Variants in EFCAB11 observed in about 807,000 individuals in gnomAD.
EFCAB11 encodes EF-hand calcium binding domain 11, also known as EF-hand calcium-binding domain-containing protein 11.
A neutral mutation model predicts 23.0 loss-of-function variants in EFCAB11; 14 were observed. The ratio of observed to expected loss-of-function variants is 0.61; its 90% CI spans 0.40 to 0.95. The LOEUF is 0.95. Among genes scored for constraint, EFCAB11 ranks in the 40% least tolerant of loss-of-function variants. The pLI, the probability that EFCAB11 is intolerant of heterozygous loss-of-function variation, is 0.00. For missense variants in EFCAB11, 198 were observed against 195.8 expected (o/e 1.01, Z -0.07); for synonymous variants, 65 against 66.6 (o/e 0.98, Z 0.11).
intron 5 of EFCAB11, among the ~76,000 whole-genome samples, chr14:89,890,069 C>T (rs933537359): frequency 9.9e-5 from 15 of 152,224 alleles, no homozygotes; most frequent in Non-Finnish European, 1.9e-4. Flanking sequence ...ATTATTTTGT[C>T]GTAGGTATAA....
chr14:89,862,651 C>T (rs1262351001), intron 5 of EFCAB11, among the ~76,000 whole-genome samples: 3 of 152,198 alleles, frequency 2.0e-5, no homozygotes, highest in Non-Finnish European at 4.4e-5. Flanking sequence ...AACTACAACA[C>T]ATAAGTTGTT....
At chr14:89,904,503 G>A (rs962933759) in intron 5 of EFCAB11, among the ~76,000 whole-genome samples, 10 of 152,156 alleles carry the variant, frequency 6.6e-5, no homozygotes, top group Admixed American at 1.3e-4. Context: ...TAATGGGATG[G>A]CTGGGTCAAA....
At chr14:89,944,384 G>A (rs1002864058) in intron 3 of EFCAB11, among the ~76,000 whole-genome samples, 4 of 152,274 alleles carry the variant, frequency 2.6e-5, no homozygotes, top group Non-Finnish European at 4.4e-5. Flanking sequence ...CCCACAACAC[G>A]TGGGAATTAT....
intron 5 of EFCAB11, among the ~76,000 whole-genome samples, chr14:89,872,181 TATA>T (rs1483778795): frequency 6.6e-6 from 1 of 152,242 alleles, no homozygotes; most frequent in African/African-American, 2.4e-5. Flanking sequence ...TGCCTTCTCA[TATA>T]ATAATTCAAC....
intron 5 of EFCAB11, among the ~76,000 whole-genome samples, chr14:89,898,098 T>C (rs1222624987): frequency 6.6e-6 from 1 of 152,140 alleles, no homozygotes; most frequent in Non-Finnish European, 1.5e-5. Flanking sequence ...ACATTATTAT[T>C]CTATAATCCA....
chr14:89,883,582 T>A (rs1169004816), intron 5 of EFCAB11, among the ~76,000 whole-genome samples: 1 of 152,138 alleles, frequency 6.6e-6, no homozygotes, highest in Non-Finnish European at 1.5e-5. Flanking sequence ...TAGGAAATAA[T>A]GACAAAGAAA....
At chr14:89,884,752 C>T (rs1888701059) in intron 5 of EFCAB11, among the ~76,000 whole-genome samples, 1 of 152,204 alleles carries the variant, frequency 6.6e-6, no homozygotes, top group Admixed American at 6.5e-5. Context: ...GCTCTAAATT[C>T]TGTGTCGAAT....
chr14:89,810,675 G>C (rs1190101327), intron 5 of EFCAB11, among the ~76,000 whole-genome samples: 1 of 148,950 alleles, frequency 6.7e-6, no homozygotes, highest in Non-Finnish European at 1.5e-5. Flanking sequence ...AGAATCACTT[G>C]AACTCGACAG....
At chr14:89,875,456 A>T (rs1015364484) in intron 5 of EFCAB11, among the ~76,000 whole-genome samples, 2 of 152,190 alleles carry the variant, frequency 1.3e-5, no homozygotes, top group East Asian at 3.9e-4. Flanking sequence ...CAACTAAGAT[A>T]GCACGGGTCA....
Position 89,797,184 on chromosome 14 carries a change from G to T in EFCAB11, c.*59C>A. 6.8e-7 allele frequency: 1 copy of T among 1,466,416 alleles called. No homozygotes were observed. The highest frequency in any genetic ancestry group is 1.4e-5 in the African/African-American group (1 of 71,528). The allele number at this position is 1,466,416 out of a possible 1,614,324, so 90.8% of individuals were successfully genotyped here. A position where few individuals can be genotyped will look rare whatever the true frequency, so the allele number is the denominator to read the frequency against. On this transcript the variant is annotated 3_prime_UTR_variant, in exon 6 of 6. Coordinates refer to ENST00000316738, the MANE Select transcript of EFCAB11 (RefSeq NM_145231.4). Reference sequence around the variant, plus strand: ...AGCATGACATCATTAGTAGAGTCGAGTCTGCTGACATTACAATCTATTGAT... The same window carrying T: ...AGCATGACATCATTAGTAGAGTCGATTCTGCTGACATTACAATCTATTGAT...
At position 89,950,109 on chromosome 14, in the gene EFCAB11, GATTT is replaced by G. The variant is rs1313469407; in HGVS notation, c.201_204del (p.Asn68GlnfsTer12). The G allele has an allele frequency of 6.4e-7, 1 of 1,553,832 alleles. No homozygotes were observed. Among genetic ancestry groups the G allele is most frequent in the Admixed American group, 1.8e-5 (1 of 56,914 alleles). ...ACTTTCATATTACCAGAAGTATTTG[GATTT>G]ATTGAAGACATCACAGAATCCACTT... On this transcript the variant is annotated frameshift_variant, in exon 3 of 6. Coordinates refer to ENST00000316738, the MANE Select transcript of EFCAB11 (RefSeq NM_145231.4). LOFTEE classifies it high-confidence loss of function.
At chr14:89,869,735 C>T (rs1377917983) in intron 5 of EFCAB11, among the ~76,000 whole-genome samples, 1 of 152,158 alleles carries the variant, frequency 6.6e-6, no homozygotes, top group Non-Finnish European at 1.5e-5. Flanking sequence ...AGCATTTGGT[C>T]TACAGTAGGT....
chr14:89,900,199 A>G (rs1430949453), intron 5 of EFCAB11, among the ~76,000 whole-genome samples: 1 of 152,226 alleles, frequency 6.6e-6, no homozygotes, highest in Non-Finnish European at 1.5e-5. Context: ...GAATATAATA[A>G]GAGAAAAAGC....
Position 89,943,213 on chromosome 14 carries a change from G to C in EFCAB11, c.217+6884C>G, listed in dbSNP as rs144882602. Among the ~76,000 whole-genome samples the C allele has an allele frequency of 1.8e-3, 266 of 151,486 alleles. 3 individuals carry two copies. Among genetic ancestry groups the C allele is most frequent in the African/African-American group, 6.3e-3 (260 of 41,258 alleles). On this transcript the variant is annotated intron_variant, in intron 3 of 5. Coordinates refer to ENST00000316738, the MANE Select transcript of EFCAB11 (RefSeq NM_145231.4). ...GGAAAGTTGATTACCTGAATAAATA[G>C]TTCCCAGGAGGCCAAGGCCAGCATT...
At chr14:89,876,986 A>G (rs1354615106) in intron 5 of EFCAB11, among the ~76,000 whole-genome samples, 4 of 152,124 alleles carry the variant, frequency 2.6e-5, no homozygotes, top group African/African-American at 7.2e-5. Context: ...TAGGTCAGAG[A>G]GGCATGTTTG....
intron 3 of EFCAB11, among the ~76,000 whole-genome samples, chr14:89,944,546 C>T (rs1470475908): frequency 6.6e-6 from 1 of 152,062 alleles, no homozygotes; most frequent in Non-Finnish European, 1.5e-5. Context: ...GAAATCCTAT[C>T]AATGCAAAGA....
At chr14:89,806,113 A>G (rs1040168361) in intron 5 of EFCAB11, among the ~76,000 whole-genome samples, 1 of 152,172 alleles carries the variant, frequency 6.6e-6, no homozygotes. Context: ...TGACGGAATA[A>G]ATTCTCCAGT....
chr14:89,924,399 G>A (rs1890122373), intron 5 of EFCAB11: 2 of 1,274,924 alleles, frequency 1.6e-6, no homozygotes, highest in Non-Finnish European at 2.0e-6. Flanking sequence ...GCTGGGTCAG[G>A]GCATGGACCT....
intron 3 of EFCAB11, among the ~76,000 whole-genome samples, chr14:89,942,022 A>G (rs1263323658): frequency 6.6e-6 from 1 of 151,938 alleles, no homozygotes; most frequent in Non-Finnish European, 1.5e-5. Context: ...GGTTGTTTGA[A>G]AGAGTGTGTC....
Sources: gnomAD v4.1 joint callset for allele counts (sites outside exome capture counted in the v4.1 genomes callset) on GRCh38, gnomAD v4.1.1 for gene constraint, MANE v1.5 for transcripts, NCBI Gene and HGNC (gene_info 2026-07-23, HGNC 2026-07-21) for gene names.